LDLRAD3: variants seen among roughly 807,000 people sequenced by gnomAD.
LDLRAD3 encodes the protein low density lipoprotein receptor class A domain containing 3.
LDLRAD3 carries 20 observed loss-of-function variants against 29.4 expected under a neutral mutation model. That is an observed-to-expected ratio of 0.68 (90% CI 0.48 to 0.99). The LOEUF is 0.99. Among genes scored for constraint, LDLRAD3 ranks in the 50% least tolerant of loss-of-function variants. LDLRAD3 has a pLI of 0.00. For missense variants in LDLRAD3, 420 were observed against 454.3 expected (o/e 0.92, Z 0.69); for synonymous variants, 157 against 192.7 (o/e 0.81, Z 1.53).
chr11:36,047,034 C>T (rs2133219879), intron 2 of LDLRAD3, among the ~76,000 whole-genome samples: 1 of 151,364 alleles, frequency 6.6e-6, no homozygotes, highest in South Asian at 2.1e-4. Context: ...AAGTTCTGTG[C>T]TTTTAGTAGC....
intron 4 of LDLRAD3, among the ~76,000 whole-genome samples, chr11:36,121,356 G>A (rs184757599): frequency 9.4e-4 from 143 of 152,162 alleles, no homozygotes; most frequent in Non-Finnish European, 1.1e-3. Context: ...GAGAGAGGTG[G>A]GGTGGTGGAG....
At chr11:36,070,859 G>A (rs977240962) in intron 2 of LDLRAD3, among the ~76,000 whole-genome samples, 7 of 152,132 alleles carry the variant, frequency 4.6e-5, no homozygotes, top group South Asian at 2.1e-4. Context: ...CTAAGAGCGA[G>A]AGCCTGCCCT....
At chr11:36,001,758 C>CGT (rs3220787) in intron 1 of LDLRAD3, among the ~76,000 whole-genome samples, 46,984 of 148,066 alleles carry the variant, frequency 0.32, 8,909 homozygotes, top group Non-Finnish European at 0.43. Flanking sequence ...ATATTGTATA[C>CGT]GTGTGTGTGT....
At chr11:36,063,294 G>A (rs930423667) in intron 2 of LDLRAD3, among the ~76,000 whole-genome samples, 6 of 152,122 alleles carry the variant, frequency 3.9e-5, no homozygotes, top group African/African-American at 1.2e-4. Flanking sequence ...TTACCAGAAA[G>A]TTTTGTTCTT....
At chr11:36,173,354 A>C (rs924008831) in intron 4 of LDLRAD3, among the ~76,000 whole-genome samples, 8 of 113,384 alleles carry the variant, frequency 7.1e-5, no homozygotes, top group Admixed American at 6.3e-4. Context: ...ACCCCACAAC[A>C]GGCCCAGGTG....
At chr11:36,212,788 A>G (rs1855300741) in intron 4 of LDLRAD3, among the ~76,000 whole-genome samples, 1 of 151,978 alleles carries the variant, frequency 6.6e-6, no homozygotes, top group Non-Finnish European at 1.5e-5. Flanking sequence ...CCTCCATTCT[A>G]AGAAACTCTC....
chr11:36,006,066 T>G (rs1042115283), intron 1 of LDLRAD3, among the ~76,000 whole-genome samples: 1 of 152,104 alleles, frequency 6.6e-6, no homozygotes, highest in Non-Finnish European at 1.5e-5. Context: ...AAACAAAAAC[T>G]GCGCCCTTGC....
chr11:36,038,971 C>CGT (rs1852342382), intron 2 of LDLRAD3, among the ~76,000 whole-genome samples: 1 of 102,454 alleles, frequency 9.8e-6, no homozygotes, highest in Non-Finnish European at 2.5e-5. Context: ...AAATTTCTTT[C>CGT]TTTTTTTTTT....
rs114980366 is a variant in LDLRAD3 at position 36,084,001 on chromosome 11, C to T, written c.319+2223C>T. On this transcript the variant is annotated intron_variant, in intron 3 of 5. Coordinates refer to ENST00000315571, the MANE Select transcript of LDLRAD3 (RefSeq NM_174902.4). Reference sequence around the variant, plus strand: ...TGGTGCCATCACAGCTCACTCCAGCCTCAACCTCCTGGGCTCAGCTAATCC... The same window carrying T: ...TGGTGCCATCACAGCTCACTCCAGCTTCAACCTCCTGGGCTCAGCTAATCC... 7.4e-3 allele frequency among the ~76,000 whole-genome samples: 1,123 copies of T among 152,272 alleles called. 11 individuals carry two copies. The highest frequency in any genetic ancestry group is 0.025 in the African/African-American group (1,046 of 41,546).
intron 1 of LDLRAD3, among the ~76,000 whole-genome samples, chr11:35,993,744 A>G (rs989899825): frequency 2.0e-5 from 3 of 151,910 alleles, no homozygotes; most frequent in Non-Finnish European, 4.4e-5. Flanking sequence ...GTTAGCCCAG[A>G]TGAGTGGTAT....
At chr11:35,991,081 G>A (rs187436416) in intron 1 of LDLRAD3, among the ~76,000 whole-genome samples, 1 of 152,202 alleles carries the variant, frequency 6.6e-6, no homozygotes, top group Non-Finnish European at 1.5e-5. Flanking sequence ...GACCTTGGAG[G>A]CTATCGTATC....
At chr11:36,078,410 C>A (rs1003240747) in intron 2 of LDLRAD3, among the ~76,000 whole-genome samples, 8 of 152,202 alleles carry the variant, frequency 5.3e-5, no homozygotes, top group Admixed American at 3.9e-4. Context: ...TTGTCTTCAC[C>A]CAAAGTCCGG....
intron 1 of LDLRAD3, among the ~76,000 whole-genome samples, chr11:35,945,688 GAGA>G (rs1202096522): frequency 6.6e-6 from 1 of 152,188 alleles, no homozygotes; most frequent in East Asian, 1.9e-4. Flanking sequence ...CATAGCACCT[GAGA>G]AGGACAGTAT....
chr11:36,083,295 C>G (rs934925715), intron 3 of LDLRAD3, among the ~76,000 whole-genome samples: 1 of 152,170 alleles, frequency 6.6e-6, no homozygotes, highest in East Asian at 1.9e-4. Flanking sequence ...CTGCCCTAAA[C>G]ATTTTCTGTG....
chr11:35,996,675 C>T (rs999160455), intron 1 of LDLRAD3, among the ~76,000 whole-genome samples: 5 of 152,144 alleles, frequency 3.3e-5, no homozygotes, highest in Non-Finnish European at 4.4e-5. Flanking sequence ...GAGTGGAGGT[C>T]TGTTCTTTAG....
At chr11:36,224,720 G>C (rs946237728) in intron 4 of LDLRAD3, among the ~76,000 whole-genome samples, 1 of 152,162 alleles carries the variant, frequency 6.6e-6, no homozygotes, top group Non-Finnish European at 1.5e-5. Flanking sequence ...ACACAGAGCC[G>C]GACCTTGAAG....
intron 4 of LDLRAD3, among the ~76,000 whole-genome samples, chr11:36,142,120 C>G (rs573015065): frequency 1.3e-5 from 2 of 152,312 alleles, no homozygotes; most frequent in East Asian, 3.9e-4. Flanking sequence ...CCAGCCATGG[C>G]TGGGGTTTCC....
At position 35,944,556 on chromosome 11, in the gene LDLRAD3, G is replaced by A. The variant is rs2133934357; in HGVS notation, c.46+412G>A. The stretch of plus-strand genomic sequence containing the variant: ...CTCATCTTCCCAGACGCCTGGTCGC[G>A]CGCGGCTGCGTTAGCCTCCTCTGGG... On this transcript the variant is annotated intron_variant, in intron 1 of 5. Transcript: ENST00000315571. This position sits in a 1 kb window ranked among gnomAD's most constrained non-coding sequence, Gnocchi z 4.9. Among the ~76,000 whole-genome samples the A allele has an allele frequency of 6.6e-6, 1 of 152,236 alleles. No individual in the cohort carries two copies. Among genetic ancestry groups the A allele is most frequent in the Non-Finnish European group, 1.5e-5 (1 of 68,000 alleles).
chr11:36,077,249 C>A (rs964911669), intron 2 of LDLRAD3, among the ~76,000 whole-genome samples: 1 of 152,154 alleles, frequency 6.6e-6, no homozygotes. Context: ...GGTTTATCCT[C>A]CTGTATTTCT....
Sources: gnomAD v4.1 joint callset for allele counts (sites outside exome capture counted in the v4.1 genomes callset) on GRCh38, gnomAD v4.1.1 for gene constraint, Gnocchi (gnomAD v3.1) non-coding constraint, MANE v1.5 for transcripts, NCBI Gene and HGNC (gene_info 2026-07-23, HGNC 2026-07-21) for gene names.